The following PBX1 variants were observed in gnomAD, a reference collection of about 807,000 sequenced individuals.
PBX1 encodes the protein PBX homeobox 1.
In PBX1, 6 loss-of-function variants were observed where a neutral mutation model predicts 53.4. The observed-to-expected ratio is 0.11, with a 90% CI of 0.06 to 0.22. PBX1 has a LOEUF of 0.22. Among genes scored for constraint, PBX1 ranks in the 10% least tolerant of loss-of-function variants. PBX1 has a pLI of 1.00. For missense variants in PBX1, 251 were observed against 551.4 expected (o/e 0.46, Z 5.46); for synonymous variants, 204 against 212.3 (o/e 0.96, Z 0.34).
chr1:164,796,501 G>T (rs1273848033), intron 3 of PBX1, among the ~76,000 whole-genome samples: 2 of 152,150 alleles, frequency 1.3e-5, no homozygotes, highest in East Asian at 1.9e-4. Flanking sequence ...GGTTAATTCA[G>T]TTCATAGCTA....
intron 2 of PBX1, among the ~76,000 whole-genome samples, chr1:164,761,921 A>G (rs1412435413): frequency 6.6e-6 from 1 of 152,174 alleles, no homozygotes; most frequent in Non-Finnish European, 1.5e-5. Flanking sequence ...ACTAATTCAA[A>G]TATCTACCAG....
chr1:164,726,355 T>C (rs1664699573), intron 2 of PBX1, among the ~76,000 whole-genome samples: 1 of 152,218 alleles, frequency 6.6e-6, no homozygotes, highest in South Asian at 2.1e-4. Context: ...AGTCTACTTG[T>C]ACATTACTTG....
At chr1:164,860,408 A>AG (rs759149577) in intron 2 of PBX1, among the ~76,000 whole-genome samples, 32 of 152,156 alleles carry the variant, frequency 2.1e-4, no homozygotes, top group Non-Finnish European at 4.4e-4. Context: ...CTGAATTCTG[A>AG]GGGGGCTTTA....
intron 2 of PBX1, among the ~76,000 whole-genome samples, chr1:164,790,164 C>A (rs890707690): frequency 6.6e-6 from 1 of 152,138 alleles, no homozygotes; most frequent in African/African-American, 2.4e-5. Context: ...CAGCAGCCAT[C>A]TACTTTCTTA....
chr1:164,565,127 A>G (rs1327098883), intron 2 of PBX1, among the ~76,000 whole-genome samples: 1 of 152,116 alleles, frequency 6.6e-6, no homozygotes, highest in Admixed American at 6.6e-5. Context: ...GAGGCAGTAG[A>G]TTAAAGTGGG....
chr1:164,784,730 G>T (rs9658952), intron 2 of PBX1, among the ~76,000 whole-genome samples: 3 of 152,052 alleles, frequency 2.0e-5, no homozygotes, highest in African/African-American at 7.3e-5. Flanking sequence ...AGTCAGCACG[G>T]TGCCTGGCAC....
In PBX1 at chr1:164,743,609, A is replaced by G. The variant is rs139457363; in HGVS notation, c.266-48885A>G. ...TTGTCAGACAGCTTACTAACACTGTATCAGTTAAAGTTAAGTCTCTCAGCC... is the reference window on the plus strand; with the variant it reads ...TTGTCAGACAGCTTACTAACACTGTGTCAGTTAAAGTTAAGTCTCTCAGCC... On this transcript the variant is annotated intron_variant, in intron 2 of 8. Coordinates refer to ENST00000420696, the MANE Select transcript of PBX1 (RefSeq NM_002585.4). Among the ~76,000 whole-genome samples, 98 of 152,304 alleles carry G rather than the reference A, an allele frequency of 6.4e-4. 1 individual carries two copies. The highest frequency in any genetic ancestry group is 3.4e-3 in the Middle Eastern group (1 of 294).
intron 2 of PBX1, among the ~76,000 whole-genome samples, chr1:164,604,907 G>C (rs1656447070): frequency 6.6e-6 from 1 of 152,056 alleles, no homozygotes; most frequent in African/African-American, 2.4e-5. Context: ...ACAAATAAAA[G>C]TAAAGAATGG....
chr1:164,627,525 C>T (rs995104637), intron 2 of PBX1, among the ~76,000 whole-genome samples: 6 of 152,056 alleles, frequency 3.9e-5, no homozygotes, highest in Admixed American at 6.6e-5. Flanking sequence ...AGAATGGACC[C>T]GCAGCATCGT....
intron 2 of PBX1, among the ~76,000 whole-genome samples, chr1:164,696,839 C>G (rs900158045): frequency 1.3e-5 from 2 of 152,154 alleles, no homozygotes; most frequent in Admixed American, 6.5e-5. Context: ...AGGCTGAGCT[C>G]ACTAGTTCCA....
At chr1:164,856,694 A>G (rs1274208842), downstream of PBX1, among the ~76,000 whole-genome samples, 5 of 152,098 alleles carry the variant, frequency 3.3e-5, no homozygotes, top group Non-Finnish European at 7.3e-5. Flanking sequence ...GTTTCTCTAT[A>G]CATATAACTG....
intron 2 of PBX1, among the ~76,000 whole-genome samples, chr1:164,711,956 G>A (rs574142200): frequency 6.6e-6 from 1 of 152,240 alleles, no homozygotes; most frequent in African/African-American, 2.4e-5. Flanking sequence ...TGTCTGAAGA[G>A]TAGGGAGAGC....
At chr1:164,832,590 T>C (rs1466826407) in intron 8 of PBX1, among the ~76,000 whole-genome samples, 2 of 152,020 alleles carry the variant, frequency 1.3e-5, no homozygotes, top group East Asian at 3.9e-4. Flanking sequence ...TTAAAGTAAG[T>C]TAAAAGAATA....
intron 2 of PBX1, among the ~76,000 whole-genome samples, chr1:164,663,009 T>G (rs1660576416): frequency 6.6e-6 from 1 of 152,218 alleles, no homozygotes; most frequent in Non-Finnish European, 1.5e-5. Context: ...AATACATTGG[T>G]GCTAACATCA....
At chr1:164,659,559 A>C (rs1660363108) in intron 2 of PBX1, among the ~76,000 whole-genome samples, 1 of 152,202 alleles carries the variant, frequency 6.6e-6, no homozygotes, top group South Asian at 2.1e-4. Flanking sequence ...ATTTGTACCG[A>C]GGAAGCAGCA....
intron 6 of PBX1, chr1:164,812,686 G>A (rs1669674075): frequency 6.6e-6 from 1 of 152,120 alleles, no homozygotes; most frequent in Admixed American, 6.6e-5. Context: ...TATAGTTGTT[G>A]TTCTTTATTG....
intron 2 of PBX1, among the ~76,000 whole-genome samples, chr1:164,709,293 C>T (rs1031015972): frequency 2.0e-5 from 3 of 152,076 alleles, no homozygotes; most frequent in Admixed American, 1.3e-4. Flanking sequence ...GAAGCAGGAC[C>T]GCTGGAGAAA....
intron 8 of PBX1, among the ~76,000 whole-genome samples, chr1:164,826,303 G>A (rs1045783434): frequency 6.6e-6 from 1 of 152,152 alleles, no homozygotes; most frequent in Admixed American, 6.5e-5. Context: ...AAATGGGAAG[G>A]AAGAAGTGCT....
Position 164,847,336 on chromosome 1 carries a change from A to G in PBX1, c.*660A>G. Reference sequence around the variant, plus strand: ...ATAGCTGGGATTCTAAAGGTGCCACATTTTTCAGTTTCATCTCCACTAGGT... The same window carrying G: ...ATAGCTGGGATTCTAAAGGTGCCACGTTTTTCAGTTTCATCTCCACTAGGT... On this transcript the variant is annotated 3_prime_UTR_variant, in exon 9 of 9. Transcript: ENST00000420696. 1.3e-5 allele frequency: 14 copies of G among 1,064,692 alleles called. No homozygotes were observed. Among genetic ancestry groups the G allele is most frequent in the Non-Finnish European group, 1.6e-5 (14 of 878,988 alleles). The allele number at this position is 1,064,692 out of a possible 1,614,324, so 66.0% of individuals were successfully genotyped here.
Sources: allele counts gnomAD v4.1 joint callset (sites outside exome capture counted in the v4.1 genomes callset), GRCh38; gene constraint gnomAD v4.1.1; transcripts MANE v1.5; gene names NCBI Gene and HGNC (gene_info 2026-07-23, HGNC 2026-07-21).